Variants in PAN3 observed in about 807,000 individuals in gnomAD.
PAN3 encodes PAN2-PAN3 deadenylation complex subunit PAN3.
A neutral mutation model predicts 96.2 loss-of-function variants in PAN3; 19 were observed. That is an observed-to-expected ratio of 0.20 (90% CI 0.14 to 0.29). The LOEUF (loss-of-function observed/expected upper bound fraction) is 0.29. Ranked by LOEUF, PAN3 falls within the 10% of genes least tolerant of loss-of-function variation. The probability of loss-of-function intolerance (pLI) is 1.00; values close to 1 mark genes in which losing one functional copy is unlikely to be tolerated. For missense variants in PAN3, 882 were observed against 1,108.1 expected (o/e 0.80, Z 2.90); for synonymous variants, 433 against 406.6 (o/e 1.06, Z -0.78).
At chr13:28,217,748 A>G (rs1022880018) in intron 5 of PAN3, among the ~76,000 whole-genome samples, 14 of 152,184 alleles carry the variant, frequency 9.2e-5, no homozygotes, top group Non-Finnish European at 1.6e-4. Flanking sequence ...GCATATCTGT[A>G]TATTTTACAG....
At chr13:28,264,167 A>G (rs896584585) in intron 9 of PAN3, among the ~76,000 whole-genome samples, 2 of 151,862 alleles carry the variant, frequency 1.3e-5, no homozygotes, top group Admixed American at 6.5e-5. Flanking sequence ...GTTCAGAAAT[A>G]CTTTTATAAT....
intron 1 of PAN3, 64 bp downstream of exon 1, chr13:28,139,151 C>T: frequency 1.6e-6 from 2 of 1,248,398 alleles, no homozygotes; most frequent in Non-Finnish European, 1.0e-6. Flanking sequence ...GGATGAGGCC[C>T]TGCTGCCGAC....
rs1869174655 is a variant in PAN3, at chr13:28,138,903, T to A, written c.246T>A (p.His82Gln). The change falls in exon 1 of 19, where the codon CAT (histidine) becomes CAA (glutamine). Residue 82 changes from histidine to glutamine, a missense_variant. Around this residue, in one of 3 missense-constraint regions of PAN3, gnomAD observed 442 missense variants for 422.8 expected, o/e 1.05. Coordinates refer to ENST00000380958, the MANE Select transcript of PAN3 (RefSeq NM_175854.8). ...AAGAAPGLGL[H>Q]SNSVPLALAG... ...GGGCTGCCCCGGGCCTCGGCCTCCATAGCAACAGCGTCCCCCTGGCTCTGG... is the reference window on the plus strand; with the variant it reads ...GGGCTGCCCCGGGCCTCGGCCTCCAAAGCAACAGCGTCCCCCTGGCTCTGG... The A allele has an allele frequency of 7.2e-7, 1 of 1,388,972 alleles. No individual in the cohort carries two copies. Among genetic ancestry groups the A allele is most frequent in the South Asian group, 1.8e-5 (1 of 56,832 alleles). 86.0% of individuals were successfully genotyped at this position (1,388,972 alleles called of 1,614,324 possible).
chr13:28,142,573 A>T (rs1487928565), intron 1 of PAN3, among the ~76,000 whole-genome samples: 29 of 134,868 alleles, frequency 2.2e-4, no homozygotes, highest in African/African-American at 6.8e-4. Context: ...ACCTCTAATT[A>T]TTTTGTATTT....
At chr13:28,210,812 T>G (rs1284482387) in intron 5 of PAN3, among the ~76,000 whole-genome samples, 2 of 152,182 alleles carry the variant, frequency 1.3e-5, no homozygotes, top group Non-Finnish European at 2.9e-5. Flanking sequence ...CTCCTTTCCA[T>G]CTCCCTCTGT....
At chr13:28,191,842 C>T (rs1391734082) in intron 4 of PAN3, among the ~76,000 whole-genome samples, 1 of 151,810 alleles carries the variant, frequency 6.6e-6, no homozygotes, top group Non-Finnish European at 1.5e-5. Context: ...TGGGCTCAAG[C>T]GATGCTCCCA....
At chr13:28,168,029 A>G (rs563299486) in intron 1 of PAN3, among the ~76,000 whole-genome samples, 1 of 152,302 alleles carries the variant, frequency 6.6e-6, no homozygotes, top group African/African-American at 2.4e-5. Context: ...GCCATTCATG[A>G]GGACTCTGTC....
chr13:28,167,674 A>C (rs1873760626), intron 1 of PAN3, among the ~76,000 whole-genome samples: 2 of 89,386 alleles, frequency 2.2e-5, no homozygotes, highest in South Asian at 2.8e-4. Flanking sequence ...CTGTCTCTAC[A>C]AAAAAAAAAA....
Position 28,293,674 on chromosome 13 carries a change from C to T in PAN3, c.*1152C>T, listed in dbSNP as rs1593654964. Reference sequence around the variant, plus strand: ...TCTGTGCGATATTCCTGAATAAGTCCATCTCAAAAGTTTGGGATTTTCCTC... The same window carrying T: ...TCTGTGCGATATTCCTGAATAAGTCTATCTCAAAAGTTTGGGATTTTCCTC... On this transcript the variant is annotated 3_prime_UTR_variant, in exon 19 of 19. Transcript: ENST00000380958. 2 of 152,588 alleles carry T rather than the reference C, an allele frequency of 1.3e-5. No homozygotes were observed. The highest frequency in any genetic ancestry group is 6.8e-3 in the Middle Eastern group (2 of 294). The allele number at this position is 152,588 out of a possible 1,614,324, so 9.5% of individuals were successfully genotyped here.
At chr13:28,239,236 CT>C (rs1480347780) in intron 6 of PAN3, among the ~76,000 whole-genome samples, 1 of 143,882 alleles carries the variant, frequency 7.0e-6, no homozygotes, top group Non-Finnish European at 1.5e-5. Context: ...AAGTAACCAA[CT>C]TGTCAAAGAA....
intron 1 of PAN3, among the ~76,000 whole-genome samples, chr13:28,144,226 T>G (rs986586807): frequency 4.8e-5 from 7 of 145,076 alleles, no homozygotes; most frequent in Non-Finnish European, 1.1e-4. Context: ...TTTTTTTTTT[T>G]TTTTTTTTGA....
At chr13:28,222,521 A>G (rs969646896) in intron 6 of PAN3, among the ~76,000 whole-genome samples, 6 of 152,288 alleles carry the variant, frequency 3.9e-5, no homozygotes, top group Admixed American at 1.3e-4. Context: ...TTTTTCAACA[A>G]TGATGAATTA....
At position 28,270,752 on chromosome 13, in the gene PAN3, C is replaced by T; in HGVS notation, c.1844C>T (p.Ser615Phe). The T allele has an allele frequency of 1.2e-6, 2 of 1,613,972 alleles. No homozygotes were observed. Among genetic ancestry groups the T allele is most frequent in the Non-Finnish European group, 1.7e-6 (2 of 1,179,874 alleles). Residue 615 changes from serine to phenylalanine, a missense_variant, in exon 13 of 19, where the codon TCT (serine) becomes TTT (phenylalanine). Physicochemically the swap from Ser to Phe is radical, Grantham distance 155 (BLOSUM62 -2). Around this residue, in one of 3 missense-constraint regions of PAN3, gnomAD observed 364 missense variants for 513.6 expected, o/e 0.71. Transcript: ENST00000380958. ...CAGCATGCTGGATTATTGCCAGAAT[C>T]TCTTATTTGGGCATATATTGTCCAA... is the stretch of plus-strand genomic sequence containing the variant. ...PRQHAGLLPE[S>F]LIWAYIVQLS...
intron 1 of PAN3, among the ~76,000 whole-genome samples, chr13:28,145,259 GTGTGTA>G (rs1276006581): frequency 1.3e-5 from 2 of 152,076 alleles, no homozygotes; most frequent in Admixed American, 6.6e-5. Flanking sequence ...TTGCGTGTGT[GTGTGTA>G]TGTGTGTACA....
chr13:28,233,290 G>A (rs1342846306), intron 6 of PAN3, among the ~76,000 whole-genome samples: 9 of 147,558 alleles, frequency 6.1e-5, no homozygotes, highest in African/African-American at 1.3e-4. Flanking sequence ...TTTTTCAGGC[G>A]GAGTCTCACT....
chr13:28,160,992 A>T (rs1231422751), intron 1 of PAN3, among the ~76,000 whole-genome samples: 1 of 152,258 alleles, frequency 6.6e-6, no homozygotes, highest in African/African-American at 2.4e-5. Context: ...ATAGTTTAGT[A>T]CTAGGAAAAA....
chr13:28,245,641 A>G (rs1230278510), intron 6 of PAN3, among the ~76,000 whole-genome samples: 2 of 152,298 alleles, frequency 1.3e-5, no homozygotes, highest in East Asian at 1.9e-4. Flanking sequence ...TCATCACCCC[A>G]AAAGGAAACT....
chr13:28,267,065 G>A, intron 10 of PAN3, 30 bp from the exon 11 acceptor site: 3 of 1,556,436 alleles, frequency 1.9e-6, no homozygotes, highest in Non-Finnish European at 2.6e-6. Context: ...GTCAATTAGA[G>A]TTTACTGGAG....
intron 1 of PAN3, among the ~76,000 whole-genome samples, chr13:28,148,672 A>G (rs759692333): frequency 1.3e-5 from 2 of 152,150 alleles, no homozygotes; most frequent in African/African-American, 2.4e-5. Context: ...TTCTTTGCCT[A>G]TACTATTATT....
Sources: gnomAD v4.1 joint callset for allele counts (sites outside exome capture counted in the v4.1 genomes callset) on GRCh38, gnomAD v4.1.1 for gene constraint, gnomAD v4.1.1 regional missense constraint, MANE v1.5 for transcripts, NCBI Gene and HGNC (gene_info 2026-07-23, HGNC 2026-07-21) for gene names.